The following LIPI variants were observed in gnomAD, a reference collection of about 807,000 sequenced individuals.
LIPI encodes the protein lipase I.
LIPI carries 59 observed loss-of-function variants against 50.6 expected under a neutral mutation model. The observed-to-expected ratio is 1.16, with a 90% confidence interval of 0.94 to 1.45. The LOEUF (loss-of-function observed/expected upper bound fraction) is 1.45. Ranked by LOEUF, LIPI falls within the 40% of genes most tolerant of loss-of-function variation. LIPI has a pLI of 0.00. For missense variants in LIPI, 586 were observed against 536.3 expected, an observed-to-expected ratio of 1.09 and a Z score of -0.92; for synonymous variants, 203 against 178.2, an observed-to-expected ratio of 1.14 and a Z score of -1.11.
chr21:14,166,421 A>T lies in LIPI; in HGVS notation c.674T>A (p.Ile225Lys), dbSNP rs765786159. The change falls in exon 5 of 10, where the codon ATA (isoleucine) becomes AAA (lysine). Residue 225 changes from isoleucine to lysine, a missense_variant. Coordinates refer to ENST00000681601, the MANE Select transcript of LIPI (RefSeq NM_001302998.2). ...ATTTCCTCCATTTGGATAAAAATCTATATGTCCCAAGGGCTCTTGAATGCC... is the reference window on the plus strand; with the variant it reads ...ATTTCCTCCATTTGGATAAAAATCTTTATGTCCCAAGGGCTCTTGAATGCC... The part of the protein sequence containing the change: ...GLGIQEPLGH[I>K]DFYPNGGNKQ... 17 of 1,609,814 alleles carry T rather than the reference A, an allele frequency of 1.1e-5. No individual in the cohort carries two copies. The highest frequency in any genetic ancestry group is 1.4e-5 in the Non-Finnish European group (16 of 1,176,156).
intron 6 of LIPI, 76 bp downstream of exon 6, chr21:14,165,147 C>A: frequency 8.6e-7 from 1 of 1,160,978 alleles, no homozygotes; most frequent in East Asian, 2.5e-5. Context: ...CACAGTTTAG[C>A]TTCCAGCAGA....
intron 1 of LIPI, among the ~76,000 whole-genome samples, chr21:14,204,603 T>C (rs1287297847): frequency 6.6e-6 from 1 of 151,770 alleles, no homozygotes; most frequent in Non-Finnish European, 1.5e-5. Flanking sequence ...AATAAACCAA[T>C]TAAAAAGAGG....
rs562570665 is a variant in LIPI at position 14,162,063 on chromosome 21, A to G, written c.1006+1356T>C. 9.4e-5 allele frequency among the ~76,000 whole-genome samples: 14 copies of G among 148,440 alleles called. 1 individual carries two copies. The South Asian group carries it at 3.0e-3, about 31-fold the overall frequency. ...CCCATAGGAACATATCTCTACCCCT[A>G]TTGATAGATAGATAGATAGATCAAT... is the stretch of plus-strand genomic sequence containing the variant. On this transcript the variant is annotated intron_variant, in intron 7 of 9. Transcript: ENST00000681601.
At chr21:14,131,111 C>T (rs368678601) in intron 9 of LIPI, among the ~76,000 whole-genome samples, 19 of 152,122 alleles carry the variant, frequency 1.2e-4, no homozygotes, top group African/African-American at 3.4e-4. Flanking sequence ...CCACCACACC[C>T]GGCTAATTTT....
chr21:14,209,876 C>T (rs1363427277), intron 1 of LIPI, among the ~76,000 whole-genome samples: 1 of 151,636 alleles, frequency 6.6e-6, no homozygotes, highest in Non-Finnish European at 1.5e-5. Context: ...ACATAAAATC[C>T]CTATCAAGAA....
rs545826254 is a variant in LIPI at position 14,168,896 on chromosome 21, C to T, written c.644-2445G>A. Among the ~76,000 whole-genome samples, 778 of 151,750 alleles carry T rather than the reference C, an allele frequency of 5.1e-3. 5 individuals carry two copies. Among genetic ancestry groups the T allele is most frequent in the African/African-American group, 0.018 (738 of 41,388 alleles). On this transcript the variant is annotated intron_variant, in intron 4 of 9. Transcript: ENST00000681601. Reference sequence around the variant, plus strand: ...TTAAATGTAAATGGACTAAATGCTCCAATTAAAAGACACAGACTGGCAAAT... The same window carrying T: ...TTAAATGTAAATGGACTAAATGCTCTAATTAAAAGACACAGACTGGCAAAT...
intron 9 of LIPI, among the ~76,000 whole-genome samples, chr21:14,128,314 C>A (rs2017147610): frequency 6.6e-6 from 1 of 151,942 alleles, no homozygotes. Flanking sequence ...ATTGAAAAAG[C>A]TGTTATTTTT....
intron 9 of LIPI, among the ~76,000 whole-genome samples, chr21:14,115,341 T>C (rs2016585874): frequency 6.6e-6 from 1 of 152,176 alleles, no homozygotes. Flanking sequence ...ACTGCCTTTT[T>C]TCTCGCTTCT....
intron 5 of LIPI, among the ~76,000 whole-genome samples, 195 bp from the exon 6 acceptor site, chr21:14,165,585 AT>A (rs1391842000): frequency 6.6e-6 from 1 of 152,224 alleles, no homozygotes; most frequent in Non-Finnish European, 1.5e-5. Flanking sequence ...TGTCTTTTGC[AT>A]GAGATTTATA....
At chr21:14,189,851 A>C (rs988282042) in intron 1 of LIPI, among the ~76,000 whole-genome samples, 1 of 152,078 alleles carries the variant, frequency 6.6e-6, no homozygotes, top group African/African-American at 2.4e-5. Context: ...ACAATAAAGT[A>C]ATATTTTCCC....
At chr21:14,116,253 G>A (rs1205397366) in intron 9 of LIPI, among the ~76,000 whole-genome samples, 1 of 152,072 alleles carries the variant, frequency 6.6e-6, no homozygotes, top group Non-Finnish European at 1.5e-5. Context: ...GAGTGATGTG[G>A]GGAGGTGCAG....
chr21:14,147,440 C>G (rs2017946407), intron 8 of LIPI, among the ~76,000 whole-genome samples: 1 of 152,120 alleles, frequency 6.6e-6, no homozygotes, highest in Non-Finnish European at 1.5e-5. Context: ...GTATCCCCAG[C>G]ACTTAACACA....
intron 7 of LIPI, among the ~76,000 whole-genome samples, chr21:14,153,546 C>T (rs2018172678): frequency 1.3e-5 from 2 of 152,122 alleles, no homozygotes; most frequent in Admixed American, 1.3e-4. Context: ...GGTGTACAAT[C>T]CATGTTTCAA....
chr21:14,181,689 C>A (rs1330241278), intron 4 of LIPI, 69 bp downstream of exon 4: 1 of 860,604 alleles, frequency 1.2e-6, no homozygotes, highest in Non-Finnish European at 2.0e-6. Flanking sequence ...CTTATGCCCT[C>A]CTCTTGCCCA....
chr21:14,161,662 G>A (rs12481904), intron 7 of LIPI, among the ~76,000 whole-genome samples: 7,978 of 23,402 alleles, frequency 0.34, 1,863 homozygotes, highest in Middle Eastern at 0.64. Context: ...ATATATTAAT[G>A]TATAATATAT....
chr21:14,161,443 T>G (rs1167447808), intron 7 of LIPI, among the ~76,000 whole-genome samples: 2 of 139,672 alleles, frequency 1.4e-5, no homozygotes, highest in Non-Finnish European at 3.1e-5. Context: ...TCAATATATA[T>G]TATATATAGA....
intron 8 of LIPI, among the ~76,000 whole-genome samples, chr21:14,150,058 A>C (rs2018036534): frequency 6.6e-6 from 1 of 152,156 alleles, no homozygotes; most frequent in African/African-American, 2.4e-5. Flanking sequence ...GCCCTAGCAG[A>C]GGTTCTCCAT....
intron 4 of LIPI, among the ~76,000 whole-genome samples, chr21:14,179,213 C>A (rs1192750753): frequency 6.6e-6 from 1 of 151,754 alleles, no homozygotes; most frequent in African/African-American, 2.4e-5. Context: ...TGAACACTCA[C>A]AACTGAATAA....
intron 1 of LIPI, among the ~76,000 whole-genome samples, chr21:14,204,458 G>T (rs544276297): frequency 1.4e-4 from 22 of 152,060 alleles, no homozygotes; most frequent in African/African-American, 5.3e-4. Context: ...AGTAAATTCT[G>T]CTCAAATTAA....
Sources: allele counts gnomAD v4.1 joint callset (sites outside exome capture counted in the v4.1 genomes callset), GRCh38; gene constraint gnomAD v4.1.1; transcripts MANE v1.5; gene names NCBI Gene and HGNC (gene_info 2026-07-23, HGNC 2026-07-21).